SRD5A1: variants seen among roughly 807,000 people sequenced by gnomAD.
SRD5A1 encodes the protein 3-oxo-5-alpha-steroid 4-dehydrogenase 1.
In SRD5A1, 22 loss-of-function variants were observed where a neutral mutation model predicts 28.2. That is an observed-to-expected ratio of 0.78 (90% CI 0.56 to 1.12). The LOEUF is 1.12. Ranked by LOEUF, SRD5A1 falls within the 50% of genes most tolerant of loss-of-function variation. SRD5A1 has a pLI of 0.00. For synonymous variants in SRD5A1, 151 were observed against 135.0 expected (o/e 1.12, Z -0.82); for missense variants, 300 against 346.7 (o/e 0.87, Z 1.07).
chr5:6,658,640 G>A (rs1475091228), intron 3 of SRD5A1, among the ~76,000 whole-genome samples: 1 of 152,208 alleles, frequency 6.6e-6, no homozygotes, highest in Non-Finnish European at 1.5e-5. Flanking sequence ...TGGGACACAT[G>A]AGACTTAGGG....
chr5:6,673,845 G>GA lies in SRD5A1; in HGVS notation c.*5583dup, dbSNP rs1424060137. On this transcript the variant is annotated 3_prime_UTR_variant, in exon 5 of 5. Coordinates refer to ENST00000274192, the MANE Select transcript of SRD5A1 (RefSeq NM_001047.4). The stretch of plus-strand genomic sequence containing the variant: ...AGAACTTTAATGCATATTGGTAAGT[G>GA]AAAAAAGCCAGTTTGCAAAGGCTAG... 5 of 152,118 alleles carry GA rather than the reference G, an allele frequency of 3.3e-5. No homozygotes were observed. The highest frequency in any genetic ancestry group is 4.2e-4 in the South Asian group (2 of 4,818). The allele number at this position is 152,118 out of a possible 1,614,324, so 9.4% of individuals were successfully genotyped here.
At chr5:6,658,196 G>C (rs553871179) in intron 3 of SRD5A1, among the ~76,000 whole-genome samples, 4 of 152,046 alleles carry the variant, frequency 2.6e-5, no homozygotes. Context: ...GTGGTGGCAC[G>C]TGCCTGTAAT....
At chr5:6,650,716 T>C (rs888625540) in intron 1 of SRD5A1, among the ~76,000 whole-genome samples, 9 of 151,586 alleles carry the variant, frequency 5.9e-5, no homozygotes, top group African/African-American at 1.7e-4. Context: ...TATGTATACA[T>C]GTGCCATGCT....
intron 1 of SRD5A1, among the ~76,000 whole-genome samples, chr5:6,649,958 C>G (rs1316148368): frequency 2.0e-5 from 3 of 152,142 alleles, no homozygotes; most frequent in Non-Finnish European, 4.4e-5. Context: ...GAAAGTTAAT[C>G]TTTGTGGTTA....
intron 1 of SRD5A1, among the ~76,000 whole-genome samples, chr5:6,637,944 G>A (rs2126524591): frequency 6.6e-6 from 1 of 152,338 alleles, no homozygotes; most frequent in Non-Finnish European, 1.5e-5. Context: ...GGGGAGCCTA[G>A]CCCAGCTTCA....
chr5:6,656,927 T>C (rs777701856), intron 3 of SRD5A1, among the ~76,000 whole-genome samples: 1 of 152,142 alleles, frequency 6.6e-6, no homozygotes, highest in South Asian at 2.1e-4. Context: ...CATGAAAGAT[T>C]TCAGATGTTA....
chr5:6,640,182 G>A (rs1738319280), intron 1 of SRD5A1, among the ~76,000 whole-genome samples: 1 of 152,118 alleles, frequency 6.6e-6, no homozygotes, highest in African/African-American at 2.4e-5. Flanking sequence ...CTCTGGCCAT[G>A]TCACCATATT....
chr5:6,662,773 A>G, intron 3 of SRD5A1, 43 bp from the exon 4 acceptor site: 1 of 1,592,516 alleles, frequency 6.3e-7, no homozygotes, highest in South Asian at 1.1e-5. Flanking sequence ...TCCGTATTTC[A>G]TTTTGTAGTA....
chr5:6,665,898 A>C (rs1293198432), intron 4 of SRD5A1, among the ~76,000 whole-genome samples: 1 of 152,256 alleles, frequency 6.6e-6, no homozygotes, highest in African/African-American at 2.4e-5. Flanking sequence ...AGAAGAGTTC[A>C]TGAGTTGAAA....
intron 1 of SRD5A1, among the ~76,000 whole-genome samples, chr5:6,636,220 A>T (rs1738181361): frequency 6.6e-6 from 1 of 152,222 alleles, no homozygotes; most frequent in South Asian, 2.1e-4. Flanking sequence ...GATCTAAGTC[A>T]TGAGCACTTG....
chr5:6,639,518 C>G (rs551577929), intron 1 of SRD5A1, among the ~76,000 whole-genome samples: 3 of 152,208 alleles, frequency 2.0e-5, no homozygotes, highest in Non-Finnish European at 2.9e-5. Flanking sequence ...ACAGCCCTCG[C>G]GGACAGTAAG....
At position 6,633,678 on chromosome 5, in the gene SRD5A1, G is replaced by A. The variant is rs777046794; in HGVS notation, c.102G>A (p.Thr34=). The A allele has an allele frequency of 3.2e-6, 5 of 1,585,784 alleles. No individual in the cohort carries two copies. The South Asian group carries it at 5.6e-5, about 18-fold the overall frequency. Residue 34 remains threonine (T), a synonymous_variant, in exon 1 of 5, where the codon ACG becomes ACA. Coordinates refer to ENST00000274192, the MANE Select transcript of SRD5A1 (RefSeq NM_001047.4). ...CGGTCTTCGCGCGCAATCGTCAGAC[G>A]AACTCAGTGTACGGCCGCCACGCGC... is the stretch of plus-strand genomic sequence containing the variant. ...GCAVFARNRQ[T]NSVYGRHALP... is the part of the protein sequence containing the mutation.
chr5:6,645,633 C>T (rs1286850251), intron 1 of SRD5A1, among the ~76,000 whole-genome samples: 1 of 128,836 alleles, frequency 7.8e-6, no homozygotes, highest in Non-Finnish European at 1.7e-5. Flanking sequence ...GAGCGAAACT[C>T]CATCTCAAAA....
intron 2 of SRD5A1, among the ~76,000 whole-genome samples, chr5:6,655,701 G>C (rs1285953224): frequency 6.6e-6 from 1 of 152,200 alleles, no homozygotes; most frequent in African/African-American, 2.4e-5. Flanking sequence ...TGGCAGCATT[G>C]CCTCATGCAG....
chr5:6,663,075 T>A, intron 4 of SRD5A1, 109 bp downstream of exon 4: 1 of 1,377,318 alleles, frequency 7.3e-7, no homozygotes, highest in South Asian at 1.3e-5. Context: ...AATTCCAGTT[T>A]ATTCTGTGCT....
Position 6,633,497 on chromosome 5 carries a change from C to T in SRD5A1, c.-80C>T, listed in dbSNP as rs542586533. ...CGGTAGCCGCCCCTCCGGTAGCCGC[C>T]CCTCCTGCCCCCGCGCCGCCGCCCT... On this transcript the variant is annotated 5_prime_UTR_variant, in exon 1 of 5. Coordinates refer to ENST00000274192, the MANE Select transcript of SRD5A1 (RefSeq NM_001047.4). The T allele has an allele frequency of 1.5e-6, 2 of 1,366,164 alleles. No individual in the cohort carries two copies. Among genetic ancestry groups the T allele is most frequent in the South Asian group, 3.3e-5 (2 of 61,208 alleles). 84.6% of individuals were successfully genotyped at this position (1,366,164 alleles called of 1,614,324 possible). A position where few individuals can be genotyped will look rare whatever the true frequency, so the allele number is the denominator to read the frequency against.
intron 4 of SRD5A1, among the ~76,000 whole-genome samples, chr5:6,665,840 T>A (rs1739154130): frequency 6.6e-6 from 1 of 152,222 alleles, no homozygotes; most frequent in African/African-American, 2.4e-5. Context: ...ATAATTCAGT[T>A]ATCTAAATGA....
At position 6,670,726 on chromosome 5, in the gene SRD5A1, G is replaced by A. The variant is rs765671755; in HGVS notation, c.*2458G>A. The stretch of plus-strand genomic sequence containing the variant: ...AACAAGAATAAAAGCAAGGAAAAGG[G>A]AAGGGACCCTCACTTGTGTCTGATA... On this transcript the variant is annotated 3_prime_UTR_variant, in exon 5 of 5. Transcript: ENST00000274192. 2 of 152,194 alleles carry A rather than the reference G, an allele frequency of 1.3e-5. No individual in the cohort carries two copies. Among genetic ancestry groups the A allele is most frequent in the Non-Finnish European group, 2.9e-5 (2 of 68,028 alleles). The allele number at this position is 152,194 out of a possible 1,614,324, so 9.4% of individuals were successfully genotyped here.
chr5:6,653,504 T>C (rs543791446), intron 2 of SRD5A1: 1 of 152,298 alleles, frequency 6.6e-6, no homozygotes, highest in South Asian at 2.1e-4. Flanking sequence ...CTCCCCATGT[T>C]CTCTGAGGCA....
Sources: allele counts gnomAD v4.1 joint callset (sites outside exome capture counted in the v4.1 genomes callset), GRCh38; gene constraint gnomAD v4.1.1; transcripts MANE v1.5; gene names NCBI Gene and HGNC (gene_info 2026-07-23, HGNC 2026-07-21).